Variants in NXN observed in about 807,000 individuals in gnomAD.
The protein encoded by NXN is nucleoredoxin 1.
A neutral mutation model predicts 48.6 loss-of-function variants in NXN; 16 were observed. The ratio of observed to expected loss-of-function variants is 0.33; its 90% CI spans 0.22 to 0.50. NXN has a LOEUF of 0.50. NXN is among the 20% of genes least tolerant of loss of function. NXN has a pLI of 0.98. For missense variants in NXN, 492 were observed against 605.5 expected, an observed-to-expected ratio of 0.81 and a Z score of 1.97; for synonymous variants, 281 against 269.6, an observed-to-expected ratio of 1.04 and a Z score of -0.41.
intron 1 of NXN, among the ~76,000 whole-genome samples, chr17:841,003 G>A (rs780589369): frequency 3.9e-5 from 6 of 152,158 alleles, no homozygotes; most frequent in Non-Finnish European, 5.9e-5. Flanking sequence ...TGAGAGTGCC[G>A]GCACAGGAGC....
chr17:834,450 T>C (rs1209885117), intron 1 of NXN, among the ~76,000 whole-genome samples: 1 of 152,174 alleles, frequency 6.6e-6, no homozygotes, highest in African/African-American at 2.4e-5. Flanking sequence ...AGTCTTGCTC[T>C]GTTGCCCAGG....
intron 6 of NXN, among the ~76,000 whole-genome samples, chr17:804,710 C>T (rs1306862470): frequency 6.6e-6 from 1 of 152,240 alleles, no homozygotes; most frequent in Non-Finnish European, 1.5e-5. Flanking sequence ...TCCGCAGAAG[C>T]AGCCTTGGTG....
Position 978,829 on chromosome 17 carries a change from G to T in NXN, c.360+490C>A, listed in dbSNP as rs1010208112. On this transcript the variant is annotated intron_variant, in intron 1 of 7. Transcript: ENST00000336868. The surrounding 1 kb of genome is among the most constrained non-coding windows in gnomAD (Gnocchi z 4.1). ...CTGGTTTGGGCGCCACGGGCGGGGG[G>T]CGTGCGCCCTCCCCTCCCCTCCCCT... 6.6e-6 allele frequency among the ~76,000 whole-genome samples: 1 copy of T among 151,762 alleles called. No individual in the cohort carries two copies. The highest frequency in any genetic ancestry group is 2.1e-4 in the South Asian group (1 of 4,818).
At chr17:974,422 G>A (rs1450097148) in intron 1 of NXN, among the ~76,000 whole-genome samples, 3 of 152,044 alleles carry the variant, frequency 2.0e-5, no homozygotes, top group Non-Finnish European at 4.4e-5. Context: ...TCAGTAATGT[G>A]ATAGATTCCC....
intron 1 of NXN, among the ~76,000 whole-genome samples, chr17:952,826 G>A (rs953598580): frequency 6.7e-6 from 1 of 148,408 alleles, no homozygotes; most frequent in African/African-American, 2.5e-5. Flanking sequence ...GGGGGGGCTG[G>A]AGTCAGACAG....
At chr17:822,233 C>A (rs1263369426) in intron 4 of NXN, 124 bp downstream of exon 4, 4 of 633,484 alleles carry the variant, frequency 6.3e-6, no homozygotes, top group Non-Finnish European at 1.1e-5. Flanking sequence ...GAGCTGAGAT[C>A]ACACCACTGC....
chr17:835,031 T>G (rs113238338), intron 1 of NXN, among the ~76,000 whole-genome samples: 90 of 148,970 alleles, frequency 6.0e-4, no homozygotes, highest in Admixed American at 1.7e-3. Context: ...ACAGCAGGCC[T>G]GGCGCGGTGG....
intron 1 of NXN, among the ~76,000 whole-genome samples, chr17:925,196 G>A (rs1367134255): frequency 6.6e-6 from 1 of 152,134 alleles, no homozygotes; most frequent in African/African-American, 2.4e-5. Flanking sequence ...AGAGACTTAA[G>A]TCAAGAATGA....
At chr17:906,525 G>C (rs1238596981) in intron 1 of NXN, among the ~76,000 whole-genome samples, 1 of 151,240 alleles carries the variant, frequency 6.6e-6, no homozygotes, top group Non-Finnish European at 1.5e-5. Context: ...CGAGGCTCAT[G>C]TATTATAATG....
intron 1 of NXN, among the ~76,000 whole-genome samples, chr17:916,868 G>A (rs867902518): frequency 3.3e-5 from 5 of 151,990 alleles, no homozygotes; most frequent in South Asian, 2.1e-4. Context: ...ATTGCACTCC[G>A]GCCTGGGCAA....
At chr17:809,954 T>C (rs79117129) in intron 5 of NXN, among the ~76,000 whole-genome samples, 7,490 of 87,894 alleles carry the variant, frequency 0.085, 667 homozygotes, top group East Asian at 0.14. Flanking sequence ...GTTACGAGTC[T>C]GTGTGAGTGG....
rs534637744 is a variant in NXN, at chr17:879,417, G to A, written c.361-53339C>T. Among the ~76,000 whole-genome samples the A allele has an allele frequency of 1.9e-4, 29 of 151,538 alleles. 2 individuals carry two copies. Among genetic ancestry groups the A allele is most frequent in the African/African-American group, 7.0e-4 (29 of 41,304 alleles). On this transcript the variant is annotated intron_variant, in intron 1 of 7. Coordinates refer to ENST00000336868, the MANE Select transcript of NXN (RefSeq NM_022463.5). ...CGATTCTCCCGCCTCAGCCTCCCAA[G>A]TAGCTCAGATTACAGGCGCCCACCA...
chr17:926,287 A>G (rs35157951), intron 1 of NXN, among the ~76,000 whole-genome samples: 15,806 of 152,174 alleles, frequency 0.1, 934 homozygotes, highest in Middle Eastern at 0.16. Flanking sequence ...CCCGGGCTCA[A>G]GCAATCCTCC....
Position 910,558 on chromosome 17 carries a change from C to T in NXN, c.360+68761G>A, listed in dbSNP as rs557952585. On this transcript the variant is annotated intron_variant, in intron 1 of 7. Transcript: ENST00000336868. ...TTGTTTTTTAGAAGAATTTATCATC[C>T]GTTCCAAGTTAGAGTTCACTTGCTA... 25 of 152,114 alleles carry T rather than the reference C, an allele frequency of 1.6e-4. No individual in the cohort carries two copies. In the East Asian group the frequency reaches 2.9e-3, roughly 18 times the overall value. 9.4% of individuals were successfully genotyped at this position (152,114 alleles called of 1,614,324 possible). A position where few individuals can be genotyped will look rare whatever the true frequency, so the allele number is the denominator to read the frequency against.
At chr17:855,062 A>G (rs1277890149) in intron 1 of NXN, among the ~76,000 whole-genome samples, 2 of 152,098 alleles carry the variant, frequency 1.3e-5, no homozygotes, top group Admixed American at 1.3e-4. Flanking sequence ...GGGTCAATTG[A>G]GCACAAGAGT....
chr17:838,559 G>C (rs185913648), intron 1 of NXN, among the ~76,000 whole-genome samples: 3 of 152,326 alleles, frequency 2.0e-5, no homozygotes, highest in African/African-American at 7.2e-5. Context: ...GTGAGACGCC[G>C]AGTCGGCTTT....
chr17:857,133 G>GT (rs1358860975), intron 1 of NXN, among the ~76,000 whole-genome samples: 1 of 152,218 alleles, frequency 6.6e-6, no homozygotes, highest in Non-Finnish European at 1.5e-5. Context: ...CTCAGTTGTG[G>GT]TGGGTGGAAG....
At chr17:853,702 C>CACATATAT (rs1269027449) in intron 1 of NXN, among the ~76,000 whole-genome samples, 1 of 119,316 alleles carries the variant, frequency 8.4e-6, no homozygotes, top group African/African-American at 3.6e-5. Flanking sequence ...CTGTTATACA[C>CACATATAT]ATATATATAT....
At chr17:837,216 G>A (rs982382215) in intron 1 of NXN, among the ~76,000 whole-genome samples, 4 of 152,098 alleles carry the variant, frequency 2.6e-5, no homozygotes, top group Non-Finnish European at 5.9e-5. Flanking sequence ...GAGCTCAAGC[G>A]TTCCTCCCAT....
Sources: allele counts gnomAD v4.1 joint callset (sites outside exome capture counted in the v4.1 genomes callset), GRCh38; gene constraint gnomAD v4.1.1; non-coding constraint Gnocchi (gnomAD v3.1); transcripts MANE v1.5; gene names NCBI Gene and HGNC (gene_info 2026-07-23, HGNC 2026-07-21).